KIAA1549L: variants seen among roughly 807,000 people sequenced by gnomAD.
KIAA1549L encodes the protein UPF0606 protein KIAA1549L.
A neutral mutation model predicts 160.7 loss-of-function variants in KIAA1549L; 88 were observed. That is an observed-to-expected ratio of 0.55 (90% CI 0.46 to 0.65). The LOEUF (loss-of-function observed/expected upper bound fraction) is 0.65, where lower values mean the gene tolerates loss of function less well. KIAA1549L is among the 30% of genes least tolerant of loss of function. The pLI, the probability that KIAA1549L is intolerant of heterozygous loss-of-function variation, is 0.00. For missense variants in KIAA1549L, 2,258 were observed against 2,437.5 expected (o/e 0.93, Z 1.55); for synonymous variants, 950 against 976.7 (o/e 0.97, Z 0.51).
At chr11:33,416,461 T>C (rs1190211237) in intron 1 of KIAA1549L, among the ~76,000 whole-genome samples, 1 of 151,002 alleles carries the variant, frequency 6.6e-6, no homozygotes, top group Non-Finnish European at 1.5e-5. Context: ...CAAAAATGTT[T>C]GAAAAAAAAA....
chr11:33,431,650 C>T (rs1326997627), intron 1 of KIAA1549L, among the ~76,000 whole-genome samples: 1 of 152,238 alleles, frequency 6.6e-6, no homozygotes, highest in Non-Finnish European at 1.5e-5. Flanking sequence ...TCTCCAAGGC[C>T]CCACCAGACT....
chr11:33,414,629 T>C (rs1266202525), intron 1 of KIAA1549L, among the ~76,000 whole-genome samples: 3 of 152,230 alleles, frequency 2.0e-5, no homozygotes, highest in Non-Finnish European at 2.9e-5. Flanking sequence ...AACATATTCC[T>C]TCACACCCTT....
intron 6 of KIAA1549L, among the ~76,000 whole-genome samples, chr11:33,552,917 A>G (rs1230454927): frequency 6.6e-6 from 1 of 152,200 alleles, no homozygotes; most frequent in Non-Finnish European, 1.5e-5. Flanking sequence ...ACTCACGTCA[A>G]TGCAGTGTAG....
At chr11:33,614,584 ATTTTTTTTTTTTTTTT>A (rs869257067) in intron 15 of KIAA1549L, among the ~76,000 whole-genome samples, 1 of 5,116 alleles carries the variant, frequency 2.0e-4, no homozygotes, top group Non-Finnish European at 3.5e-4. Context: ...ATATATATAT[ATTTTTTTTTTTTTTTT>A]TTTTTTTTTT....
At position 33,609,923 on chromosome 11, in the gene KIAA1549L, C is replaced by T. The variant is rs1215799809; in HGVS notation, c.5236C>T (p.Pro1746Ser). Residue 1746 changes from proline to serine, a missense_variant, in exon 15 of 21, where the codon CCA (proline) becomes TCA (serine). Pro to Ser is a moderately conservative substitution (Grantham distance 74). Around this residue, in one of 6 missense-constraint regions of KIAA1549L, gnomAD observed 1,359 missense variants for 1,546.6 expected, o/e 0.88. Transcript: ENST00000658780. ...GAAGGAAATGGAGCATGTTTTGGAT[C>T]CAGATTCAGAACTCTGTGCTCCATT... ...APKEMEHVLD[P>S]DSELCAPFTE... 1.5e-5 allele frequency: 25 copies of T among 1,613,822 alleles called. No homozygotes were observed. Among genetic ancestry groups the T allele is most frequent in the African/African-American group, 2.7e-5 (2 of 74,924 alleles).
chr11:33,403,927 C>A (rs981365714), intron 1 of KIAA1549L, among the ~76,000 whole-genome samples: 1 of 152,130 alleles, frequency 6.6e-6, no homozygotes, highest in Non-Finnish European at 1.5e-5. Flanking sequence ...TCTAAGCATT[C>A]GGCTTTCCAA....
Position 33,661,415 on chromosome 11 carries a change from G to A in KIAA1549L, c.6159+401G>A, listed in dbSNP as rs191542381. Reference sequence around the variant, plus strand: ...CCCATCTTGCAGATGAGGAAATCAGGGCCGAGTCAGGGGATGCCACTTATC... The same window carrying A: ...CCCATCTTGCAGATGAGGAAATCAGAGCCGAGTCAGGGGATGCCACTTATC... On this transcript the variant is annotated intron_variant, in intron 20 of 20. Transcript: ENST00000658780. Among the ~76,000 whole-genome samples, 1,242 of 152,250 alleles carry A rather than the reference G, an allele frequency of 8.2e-3. 5 individuals carry two copies. The highest frequency in any genetic ancestry group is 0.012 in the Non-Finnish European group (817 of 68,018).
intron 1 of KIAA1549L, among the ~76,000 whole-genome samples, chr11:33,392,933 C>G (rs562977367): frequency 2.6e-4 from 40 of 151,998 alleles, no homozygotes; most frequent in Non-Finnish European, 4.9e-4. Flanking sequence ...TATTTCAGAC[C>G]CTCCCTCCTT....
chr11:33,548,153 A>G (rs746405086), intron 4 of KIAA1549L, among the ~76,000 whole-genome samples: 3 of 152,146 alleles, frequency 2.0e-5, no homozygotes, highest in Non-Finnish European at 4.4e-5. Flanking sequence ...TAATCCTAAC[A>G]CTTTGGGAGG....
intron 17 of KIAA1549L, among the ~76,000 whole-genome samples, chr11:33,654,113 C>T (rs1851979882): frequency 1.3e-5 from 2 of 152,092 alleles, no homozygotes; most frequent in Admixed American, 1.3e-4. Flanking sequence ...GCTGGGATTA[C>T]AGGTGCGTGC....
intron 16 of KIAA1549L, among the ~76,000 whole-genome samples, chr11:33,629,801 C>G (rs1765025147): frequency 6.6e-6 from 1 of 150,524 alleles, no homozygotes; most frequent in Admixed American, 6.6e-5. Context: ...CAAAGTCATT[C>G]TCCGTCCAGC....
intron 15 of KIAA1549L, among the ~76,000 whole-genome samples, chr11:33,616,767 C>T (rs1850820914): frequency 6.6e-6 from 1 of 152,124 alleles, no homozygotes; most frequent in South Asian, 2.1e-4. Flanking sequence ...GGGCTTCCCA[C>T]ATAGTCACTG....
chr11:33,396,595 A>T (rs1233689384), intron 1 of KIAA1549L, among the ~76,000 whole-genome samples: 1 of 151,884 alleles, frequency 6.6e-6, no homozygotes, highest in Admixed American at 6.6e-5. Context: ...GAGTGAAGGG[A>T]CTCAGCTGAA....
At chr11:33,566,428 T>A (rs1331128261) in intron 8 of KIAA1549L, among the ~76,000 whole-genome samples, 1 of 152,216 alleles carries the variant, frequency 6.6e-6, no homozygotes, top group Non-Finnish European at 1.5e-5. Flanking sequence ...CTGATAGCTG[T>A]GTCATGAGGG....
intron 1 of KIAA1549L, among the ~76,000 whole-genome samples, chr11:33,415,077 G>A (rs1344098574): frequency 6.6e-6 from 1 of 151,438 alleles, no homozygotes; most frequent in East Asian, 1.9e-4. Flanking sequence ...TCTTTCCTCT[G>A]TGCATTATTG....
In KIAA1549L at chr11:33,552,704, A is replaced by G. The variant is rs77833336; in HGVS notation, c.3855+463A>G. ...CACACACACACACACACACACACAC[A>G]TGCGTTTTATATTGAAGTCTTTACT... On this transcript the variant is annotated intron_variant, in intron 6 of 20. Transcript: ENST00000658780. Among the ~76,000 whole-genome samples the G allele has an allele frequency of 3.6e-4, 18 of 49,656 alleles. 1 individual carries two copies. Among genetic ancestry groups the G allele is most frequent in the Admixed American group, 1.6e-3 (8 of 4,860 alleles). 32.6% of individuals were successfully genotyped at this position (49,656 alleles called of 152,430 possible). A position where few individuals can be genotyped will look rare whatever the true frequency, so the allele number is the denominator to read the frequency against.
At chr11:33,382,867 C>T (rs992875656) in intron 1 of KIAA1549L, among the ~76,000 whole-genome samples, 2 of 151,944 alleles carry the variant, frequency 1.3e-5, no homozygotes, top group Non-Finnish European at 2.9e-5. Flanking sequence ...GACTGAAGGG[C>T]TCTGAGGGGC....
rs1417183489 is a variant in KIAA1549L, at chr11:33,606,623, G to A, written c.4880-18G>A. 2.5e-6 allele frequency: 4 copies of A among 1,612,192 alleles called. No individual in the cohort carries two copies. Among genetic ancestry groups the A allele is most frequent in the Non-Finnish European group, 3.4e-6 (4 of 1,178,688 alleles). ...CTCCCCAACATCATAAAATCGATGT[G>A]TTTATGTTGTGCTTCAGTGCCAGCG... On this transcript the variant is annotated intron_variant, in intron 13 of 20. Coordinates refer to ENST00000658780, the MANE Select transcript of KIAA1549L (RefSeq NM_012194.3).
chr11:33,516,938 G>C (rs543917964), intron 1 of KIAA1549L, among the ~76,000 whole-genome samples: 13 of 152,168 alleles, frequency 8.5e-5, no homozygotes, highest in Non-Finnish European at 1.3e-4. Context: ...TGCATTCTCA[G>C]CTCTAATTAT....
Sources: allele counts gnomAD v4.1 joint callset (sites outside exome capture counted in the v4.1 genomes callset), GRCh38; gene constraint gnomAD v4.1.1; regional missense constraint gnomAD v4.1.1; transcripts MANE v1.5; gene names NCBI Gene and HGNC (gene_info 2026-07-23, HGNC 2026-07-21).